The following EDEM2 variants were observed in gnomAD, a reference collection of about 807,000 sequenced individuals.
The protein encoded by EDEM2 is ER degradation-enhancing alpha-mannosidase-like protein 2.
Under a neutral mutation model 64.8 loss-of-function variants are expected in EDEM2, and 39 were observed. The ratio of observed to expected loss-of-function variants is 0.60; its 90% CI spans 0.47 to 0.79. The LOEUF (loss-of-function observed/expected upper bound fraction) is 0.79. Among genes scored for constraint, EDEM2 ranks in the 30% least tolerant of loss-of-function variants. The pLI is 0.00. For synonymous variants in EDEM2, 296 were observed against 291.5 expected (o/e 1.02, Z -0.16); for missense variants, 609 against 731.3 (o/e 0.83, Z 1.93).
intron 3 of EDEM2, among the ~76,000 whole-genome samples, chr20:35,143,727 T>C (rs1000734781): frequency 2.6e-5 from 4 of 151,814 alleles, no homozygotes; most frequent in Non-Finnish European, 5.9e-5. Context: ...AGTCCAAGTC[T>C]TTTTTTTGAG....
chr20:35,136,155 A>C lies in EDEM2; in HGVS notation c.491-1206T>G, dbSNP rs531017761. Among the ~76,000 whole-genome samples, 23 of 152,382 alleles carry C rather than the reference A, an allele frequency of 1.5e-4. No individual in the cohort carries two copies. The South Asian group carries it at 3.3e-3, about 22-fold the overall frequency. On this transcript the variant is annotated intron_variant, in intron 5 of 10. Transcript: ENST00000374492. ...ATCTGGCAGGCACCAGCGGGAGAGC[A>C]AGTCACAACCAGGAAGGGCTCTAAG...
chr20:35,134,600 T>C (rs2085549075), intron 6 of EDEM2, 138 bp downstream of exon 6: 8 of 910,018 alleles, frequency 8.8e-6, no homozygotes, highest in Non-Finnish European at 1.3e-5. Flanking sequence ...GCTTGGTCTA[T>C]TTTTGGTGTC....
rs771607122 is a variant in EDEM2 at position 35,131,726 on chromosome 20, C to T, written c.760G>A (p.Gly254Arg). The part of the protein sequence containing the change: ...GKWVAQDAGI[G>R]AGVDSYFEYL... ...TCAAAGTAGGAGTCCACGCCAGCCC[C>T]GATGCCTGCGTCCTGGGCCACCCAC... is the stretch of plus-strand genomic sequence containing the variant. The change falls in exon 7 of 11, where the codon GGG becomes AGG. Residue 254 changes from glycine to arginine, a missense_variant. Physicochemically the swap from Gly to Arg is moderately radical, Grantham distance 125. Coordinates refer to ENST00000374492, the MANE Select transcript of EDEM2 (RefSeq NM_018217.3). 8.1e-6 allele frequency: 13 copies of T among 1,614,058 alleles called. No homozygotes were observed. The highest frequency in any genetic ancestry group is 1.1e-5 in the Non-Finnish European group (13 of 1,180,016).
chr20:35,139,070 C>T (rs8119827), intron 4 of EDEM2, among the ~76,000 whole-genome samples: 15,819 of 152,104 alleles, frequency 0.1, 916 homozygotes, highest in South Asian at 0.16. Context: ...GGTCCCTATG[C>T]AGGCCAGGCA....
At chr20:35,125,461 T>C (rs1382163770) in intron 8 of EDEM2, among the ~76,000 whole-genome samples, 1 of 152,108 alleles carries the variant, frequency 6.6e-6, no homozygotes, top group African/African-American at 2.4e-5. Flanking sequence ...CTCAGCTCAC[T>C]GCAAGCTCCG....
intron 7 of EDEM2, among the ~76,000 whole-genome samples, chr20:35,128,621 G>A (rs558968699): frequency 2.0e-5 from 3 of 149,452 alleles, no homozygotes; most frequent in Admixed American, 1.3e-4. Flanking sequence ...AATTCCAGAA[G>A]GCATTGTTAT....
intron 6 of EDEM2, among the ~76,000 whole-genome samples, chr20:35,133,527 C>T (rs974587567): frequency 6.0e-5 from 9 of 151,142 alleles, no homozygotes; most frequent in East Asian, 3.9e-4. Flanking sequence ...AATGCAATGG[C>T]GCGATCTCGG....
intron 5 of EDEM2, 32 bp from the exon 6 acceptor site, chr20:35,134,981 G>T (rs746096186): frequency 1.9e-5 from 30 of 1,605,460 alleles, no homozygotes; most frequent in Admixed American, 3.3e-5. Context: ...ATCCCGGACA[G>T]GAGCAGGGGG....
In EDEM2 at chr20:35,115,389, T is replaced by G; in HGVS notation, c.*44A>C. On this transcript the variant is annotated 3_prime_UTR_variant, in exon 11 of 11. Transcript: ENST00000374492. ...TATGATAGCCAAAAGCAATTTATTA[T>G]AGTTTAGCCTCAAAAAAATAAAAAT... 1.9e-6 allele frequency: 3 copies of G among 1,565,916 alleles called. No homozygotes were observed. The highest frequency in any genetic ancestry group is 2.6e-6 in the Non-Finnish European group (3 of 1,159,826).
chr20:35,133,249 C>T (rs73903016), intron 6 of EDEM2, among the ~76,000 whole-genome samples: 4,963 of 152,122 alleles, frequency 0.033, 275 homozygotes, highest in African/African-American at 0.11. Flanking sequence ...TCCTGGTACC[C>T]TCAGCCAAAG....
In EDEM2 at chr20:35,115,491, C is replaced by T; in HGVS notation, c.1679G>A (p.Ser560Asn). 1 of 1,614,034 alleles carries T rather than the reference C, an allele frequency of 6.2e-7. No homozygotes were observed. The highest frequency in any genetic ancestry group is 2.2e-5 in the East Asian group (1 of 44,888). The change falls in exon 11 of 11, where the codon AGT (serine) becomes AAT (asparagine). Residue 560 changes from serine to asparagine, a missense_variant. Physicochemically the swap from Ser to Asn is conservative, Grantham distance 46. Transcript: ENST00000374492. The stretch of plus-strand genomic sequence containing the variant: ...TGCCAACTTGGAGGTGAAGGGCTGA[C>T]TGGGGCAGCTGAGAAGTGGGACCTT... ...KQKVPLLSCPSQPFTSKLALL... is the reference protein window; with the variant it reads ...KQKVPLLSCPNQPFTSKLALL...
intron 4 of EDEM2, among the ~76,000 whole-genome samples, chr20:35,138,762 T>G (rs563856943): frequency 6.6e-6 from 1 of 151,492 alleles, no homozygotes; most frequent in Non-Finnish European, 1.5e-5. Context: ...TTGGATTTTT[T>G]TTTTGTAGAC....
At chr20:35,116,179 T>A (rs934945665) in intron 10 of EDEM2, among the ~76,000 whole-genome samples, 3 of 152,140 alleles carry the variant, frequency 2.0e-5, no homozygotes, top group African/African-American at 4.8e-5. Flanking sequence ...CACACTATTT[T>A]AAAAAATAGG....
At chr20:35,138,563 T>C (rs907093270) in intron 4 of EDEM2, among the ~76,000 whole-genome samples, 1 of 152,118 alleles carries the variant, frequency 6.6e-6, no homozygotes, top group Non-Finnish European at 1.5e-5. Context: ...TTTCAACTTA[T>C]TATGCAATAT....
Position 35,128,517 on chromosome 20 carries a change from G to A in EDEM2, c.845-2142C>T, listed in dbSNP as rs990095592. ...GGAGGCGGAGGTTGCAGTGAGCCGA[G>A]ATGGTGCCACTGCACTCCAGCCTGG... On this transcript the variant is annotated intron_variant, in intron 7 of 10. Transcript: ENST00000374492. Among the ~76,000 whole-genome samples, 47 of 148,592 alleles carry A rather than the reference G, an allele frequency of 3.2e-4. 1 individual carries two copies. The highest frequency in any genetic ancestry group is 5.5e-4 in the Non-Finnish European group (37 of 67,608).
chr20:35,127,937 T>C (rs1436425262), intron 7 of EDEM2, among the ~76,000 whole-genome samples: 5 of 152,190 alleles, frequency 3.3e-5, no homozygotes, highest in African/African-American at 1.2e-4. Context: ...TACTTACTTG[T>C]TTGTGGTGAT....
chr20:35,132,922 G>A (rs997972571), intron 6 of EDEM2, among the ~76,000 whole-genome samples: 5 of 152,122 alleles, frequency 3.3e-5, no homozygotes, highest in East Asian at 1.9e-4. Context: ...TAACTGTTCC[G>A]CGTTGGTTTG....
In EDEM2 at chr20:35,131,639, T is replaced by C. The variant is rs377575587; in HGVS notation, c.844+3A>G. ...AAAAGCTCCCTTACTCTGCCATTTT[T>C]ACCTAGGAACATGGCCATGAGCTTC... is the stretch of plus-strand genomic sequence containing the variant. On this transcript the variant is annotated splice_donor_region_variant and intron_variant, in intron 7 of 10. Coordinates refer to ENST00000374492, the MANE Select transcript of EDEM2 (RefSeq NM_018217.3). 6.2e-7 allele frequency: 1 copy of C among 1,612,468 alleles called. No homozygotes were observed. Among genetic ancestry groups the C allele is most frequent in the Non-Finnish European group, 8.5e-7 (1 of 1,178,956 alleles).
intron 9 of EDEM2, 53 bp from the exon 10 acceptor site, chr20:35,118,772 T>A (rs2273805): frequency 0.61 from 972,111 of 1,602,916 alleles, 297,311 homozygotes; most frequent in Admixed American, 0.79. Flanking sequence ...AGAGATGGCC[T>A]GGGGCCTCTT....
Sources: gnomAD v4.1 joint callset for allele counts (sites outside exome capture counted in the v4.1 genomes callset) on GRCh38, gnomAD v4.1.1 for gene constraint, MANE v1.5 for transcripts, NCBI Gene and HGNC (gene_info 2026-07-23, HGNC 2026-07-21) for gene names.